The following RFX7 variants were observed in gnomAD, a reference collection of about 807,000 sequenced individuals.
The protein encoded by RFX7 is regulatory factor X7, also known as DNA-binding protein RFX7.
In RFX7, 26 loss-of-function variants were observed where a neutral mutation model predicts 111.8. The observed-to-expected ratio is 0.23, with a 90% CI of 0.17 to 0.32. The LOEUF (loss-of-function observed/expected upper bound fraction) is 0.32. RFX7 is among the 10% of genes least tolerant of loss of function. RFX7 has a pLI of 1.00. For missense variants in RFX7, 1,573 were observed against 1,772.9 expected (o/e 0.89, Z 2.02); for synonymous variants, 624 against 624.4 (o/e 1.00, Z 0.01).
chr15:56,149,952 A>AT (rs2141044108), intron 3 of RFX7, among the ~76,000 whole-genome samples: 2 of 145,084 alleles, frequency 1.4e-5, no homozygotes, highest in Non-Finnish European at 3.0e-5. Context: ...GGAAACTAAG[A>AT]TCCGCTGGCT....
At chr15:56,134,240 A>G (rs1369188831) in intron 5 of RFX7, among the ~76,000 whole-genome samples, 1 of 152,158 alleles carries the variant, frequency 6.6e-6, no homozygotes, top group African/African-American at 2.4e-5. Flanking sequence ...TTCATCTATA[A>G]AAAGAGGATA....
At chr15:56,193,182 T>G (rs754400490) in intron 2 of RFX7, 3 of 202,018 alleles carry the variant, frequency 1.5e-5, no homozygotes, top group African/African-American at 4.7e-5. Flanking sequence ...ATGACCATCA[T>G]GTGCTTGATG....
chr15:56,228,782 G>A lies in RFX7; in HGVS notation c.161+14343C>T, dbSNP rs117894539. On this transcript the variant is annotated intron_variant, in intron 2 of 9. Coordinates refer to ENST00000559447, the MANE Select transcript of RFX7 (RefSeq NM_022841.7). Reference sequence around the variant, plus strand: ...AAAGTAGTCCCCCCTCATTCTCGAGGGATATCTTCCAGTACCCCCAGTGGA... The same window carrying A: ...AAAGTAGTCCCCCCTCATTCTCGAGAGATATCTTCCAGTACCCCCAGTGGA... Among the ~76,000 whole-genome samples, 29 of 152,046 alleles carry A rather than the reference G, an allele frequency of 1.9e-4. 1 individual carries two copies. In the East Asian group the frequency reaches 5.4e-3, roughly 28 times the overall value.
chr15:56,238,874 G>A (rs911364608), intron 2 of RFX7, among the ~76,000 whole-genome samples: 3 of 151,976 alleles, frequency 2.0e-5, no homozygotes, highest in African/African-American at 4.8e-5. Flanking sequence ...CTGCTCTGTC[G>A]CCCAGCTGGA....
At chr15:56,110,441 G>A (rs1440436554) in intron 5 of RFX7, among the ~76,000 whole-genome samples, 2 of 133,028 alleles carry the variant, frequency 1.5e-5, no homozygotes, top group South Asian at 2.4e-4. Context: ...CGCCCGGCCA[G>A]CCGCCCCATC....
intron 5 of RFX7, among the ~76,000 whole-genome samples, chr15:56,106,642 G>A (rs1430665466): frequency 2.6e-5 from 4 of 152,176 alleles, no homozygotes; most frequent in African/African-American, 9.7e-5. Context: ...ACTCTTTATT[G>A]TGAGGTGGCC....
intron 2 of RFX7, among the ~76,000 whole-genome samples, chr15:56,190,448 C>A (rs954783584): frequency 6.6e-6 from 1 of 152,202 alleles, no homozygotes; most frequent in East Asian, 1.9e-4. Context: ...TAAGGCCCAG[C>A]CCCTTCCCCC....
At chr15:56,190,132 ATAAAAT>A (rs2043085526) in intron 2 of RFX7, among the ~76,000 whole-genome samples, 1 of 152,256 alleles carries the variant, frequency 6.6e-6, no homozygotes, top group Non-Finnish European at 1.5e-5. Context: ...TCTAGAGTAG[ATAAAAT>A]TAATCCATGG....
chr15:56,221,870 C>T (rs2043430456), intron 2 of RFX7, among the ~76,000 whole-genome samples: 1 of 152,180 alleles, frequency 6.6e-6, no homozygotes, highest in Non-Finnish European at 1.5e-5. Flanking sequence ...ACATTGTTAA[C>T]ATTTTTGCAT....
In RFX7 at chr15:56,088,615, G is replaced by C. The variant is rs1196345049; in HGVS notation, c.*4730C>G. ...ATTTCAGATGATGCAATATTAATAA[G>C]TGATCCCATCCATAAATTTATAACT... On this transcript the variant is annotated 3_prime_UTR_variant, in exon 10 of 10. Coordinates refer to ENST00000559447, the MANE Select transcript of RFX7 (RefSeq NM_022841.7). 1.4e-5 allele frequency: 2 copies of C among 145,014 alleles called. No individual in the cohort carries two copies. Among genetic ancestry groups the C allele is most frequent in the East Asian group, 4.2e-4 (2 of 4,750 alleles). The allele number at this position is 145,014 out of a possible 1,614,324, so 9.0% of individuals were successfully genotyped here.
chr15:56,226,020 G>C (rs1326275619), intron 2 of RFX7, among the ~76,000 whole-genome samples: 2 of 151,902 alleles, frequency 1.3e-5, no homozygotes, highest in Non-Finnish European at 2.9e-5. Context: ...CGGGAAAAGG[G>C]TAAGAACAAG....
intron 5 of RFX7, among the ~76,000 whole-genome samples, chr15:56,122,887 G>T (rs1452501137): frequency 2.0e-5 from 3 of 152,042 alleles, no homozygotes; most frequent in Admixed American, 1.3e-4. Context: ...TCAGCCTGTG[G>T]TGAATGCCCT....
intron 2 of RFX7, among the ~76,000 whole-genome samples, chr15:56,217,931 G>A (rs1451753904): frequency 6.6e-6 from 1 of 151,922 alleles, no homozygotes; most frequent in East Asian, 1.9e-4. Context: ...CATTATGTAA[G>A]GATATAGTCA....
chr15:56,221,536 C>A (rs1266178334), intron 2 of RFX7, among the ~76,000 whole-genome samples: 1 of 152,044 alleles, frequency 6.6e-6, no homozygotes, highest in Non-Finnish European at 1.5e-5. Flanking sequence ...TGCCTTATAA[C>A]CATAATGTTT....
intron 2 of RFX7, among the ~76,000 whole-genome samples, chr15:56,190,520 T>C (rs1415948423): frequency 6.6e-6 from 1 of 152,222 alleles, no homozygotes; most frequent in African/African-American, 2.4e-5. Flanking sequence ...ACAGTTCAAC[T>C]TCACCTCTGC....
chr15:56,236,483 G>C (rs1335289988), intron 2 of RFX7, among the ~76,000 whole-genome samples: 1 of 152,132 alleles, frequency 6.6e-6, no homozygotes, highest in Non-Finnish European at 1.5e-5. Context: ...AACAGAAAGA[G>C]AATGGTAGAA....
At chr15:56,151,055 G>C (rs2042562939) in intron 3 of RFX7, among the ~76,000 whole-genome samples, 2 of 152,128 alleles carry the variant, frequency 1.3e-5, no homozygotes, top group Admixed American at 1.3e-4. Flanking sequence ...AGAAATATGG[G>C]ACTACGTGAA....
At chr15:56,109,970 A>AG (rs2041891755) in intron 5 of RFX7, among the ~76,000 whole-genome samples, 1 of 86,184 alleles carries the variant, frequency 1.2e-5, no homozygotes, top group African/African-American at 4.6e-5. Context: ...AGGTGGGGGG[A>AG]TCAGCCCCCT....
chr15:56,141,672 TATATGC>T, intron 5 of RFX7, among the ~76,000 whole-genome samples: 1 of 135,140 alleles, frequency 7.4e-6, no homozygotes, highest in Non-Finnish European at 1.6e-5. Context: ...TATATATATA[TATATGC>T]ATATATGCTG....
Sources: allele counts gnomAD v4.1 joint callset (sites outside exome capture counted in the v4.1 genomes callset), GRCh38; gene constraint gnomAD v4.1.1; transcripts MANE v1.5; gene names NCBI Gene and HGNC (gene_info 2026-07-23, HGNC 2026-07-21).